ASIC1: variants seen among roughly 807,000 people sequenced by gnomAD.
The protein encoded by ASIC1 is acid-sensing ion channel 1.
ASIC1 carries 21 observed loss-of-function variants against 63.4 expected under a neutral mutation model. That is an observed-to-expected ratio of 0.33 (90% CI 0.23 to 0.48). ASIC1 has a LOEUF of 0.48. Ranked by LOEUF, ASIC1 falls within the 20% of genes least tolerant of loss-of-function variation. ASIC1 has a pLI of 0.99. For synonymous variants in ASIC1, 258 were observed against 278.2 expected (o/e 0.93, Z 0.72); for missense variants, 478 against 695.5 (o/e 0.69, Z 3.52).
intron 3 of ASIC1, among the ~76,000 whole-genome samples, chr12:50,070,471 G>A (rs11169265): frequency 0.033 from 4,949 of 152,060 alleles, 287 homozygotes; most frequent in African/African-American, 0.11. Context: ...GTGTGGTAAT[G>A]TGCAAGTGTG....
rs543984765 is a variant in ASIC1 at position 50,080,131 on chromosome 12, G to A, written c.1205+76G>A. On this transcript the variant is annotated intron_variant, in intron 8 of 11. Transcript: ENST00000447966. The stretch of plus-strand genomic sequence containing the variant: ...TGGATGAGTGGGGTTTGATGGGGGC[G>A]GGGGCTGGCAGGCAGGGGGAACTTG... The A allele has an allele frequency of 2.5e-4, 387 of 1,527,784 alleles. 5 individuals are homozygous for A. The South Asian group carries it at 4.4e-3, about 17-fold the overall frequency. The allele number at this position is 1,527,784 out of a possible 1,614,324, so 94.6% of individuals were successfully genotyped here. A position where few individuals can be genotyped will look rare whatever the true frequency, so the allele number is the denominator to read the frequency against.
In ASIC1 at chr12:50,081,707, C is replaced by G. The variant is rs1314536097; in HGVS notation, c.*58C>G. 2 of 1,483,894 alleles carry G rather than the reference C, an allele frequency of 1.3e-6. No homozygotes were observed. The highest frequency in any genetic ancestry group is 1.4e-5 in the African/African-American group (1 of 71,906). 91.9% of individuals were successfully genotyped at this position (1,483,894 alleles called of 1,614,324 possible). A position where few individuals can be genotyped will look rare whatever the true frequency, so the allele number is the denominator to read the frequency against. The stretch of plus-strand genomic sequence containing the variant: ...GGGGAGGACTAGGAGAGCGAGGGGG[C>G]CCCCAGCTGCCTCCTCACATCTGCC... On this transcript the variant is annotated 3_prime_UTR_variant, in exon 12 of 12. Coordinates refer to ENST00000447966, the MANE Select transcript of ASIC1 (RefSeq NM_001095.4).
rs1250955956 is a variant in ASIC1, at chr12:50,059,133, G to C, written c.362+5G>C. 2 of 1,611,816 alleles carry C rather than the reference G, an allele frequency of 1.2e-6. No individual in the cohort carries two copies. The highest frequency in any genetic ancestry group is 4.5e-5 in the East Asian group (2 of 44,862). On this transcript the variant is annotated splice_donor_5th_base_variant and intron_variant, in intron 2 of 11. Transcript: ENST00000447966. This position sits in a 1 kb window ranked among gnomAD's most constrained non-coding sequence, Gnocchi z 4.6. ...GCTGGCCCTGCTCAACAACAGGTGG[G>C]TGGCTCCCACCCTCCCTCAGCCCTG...
At position 50,081,589 on chromosome 12, in the gene ASIC1, C is replaced by CGCT. The variant is rs1175272033; in HGVS notation, c.1530_1532dup (p.Ala511dup). On this transcript the variant is annotated inframe_insertion, in exon 12 of 12. Coordinates refer to ENST00000447966, the MANE Select transcript of ASIC1 (RefSeq NM_001095.4). ...GGGGCCACCCTGCCGGGATGACATA[C>CGCT]GCTGCCAACATCCTACCTCACCATC... The CGCT allele has an allele frequency of 6.2e-7, 1 of 1,613,982 alleles. No homozygotes were observed. Among genetic ancestry groups the CGCT allele is most frequent in the Non-Finnish European group, 8.5e-7 (1 of 1,179,972 alleles).
intron 3 of ASIC1, among the ~76,000 whole-genome samples, chr12:50,075,836 G>T (rs1950649854): frequency 1.3e-5 from 2 of 152,228 alleles, no homozygotes; most frequent in South Asian, 4.1e-4. Flanking sequence ...ATTCAAGGAG[G>T]CTGTGGGGAA....
At position 50,082,098 on chromosome 12, in the gene ASIC1, G is replaced by T. The variant is rs530343953; in HGVS notation, c.*449G>T. 6 of 168,094 alleles carry T rather than the reference G, an allele frequency of 3.6e-5. No homozygotes were observed. Among genetic ancestry groups the T allele is most frequent in the Non-Finnish European group, 7.7e-5 (6 of 78,086 alleles). 10.4% of individuals were successfully genotyped at this position (168,094 alleles called of 1,614,324 possible). ...GTACCTTAAGGGGGAGGGCTAGTGT[G>T]GGGGAGGGAGGCTTCCCCAGCCTTA... is the stretch of plus-strand genomic sequence containing the variant. On this transcript the variant is annotated 3_prime_UTR_variant, in exon 12 of 12. Coordinates refer to ENST00000447966, the MANE Select transcript of ASIC1 (RefSeq NM_001095.4).
chr12:50,069,259 TA>T (rs1950575562), intron 3 of ASIC1, among the ~76,000 whole-genome samples: 2 of 57,008 alleles, frequency 3.5e-5, no homozygotes, highest in South Asian at 7.9e-4. Context: ...TTTTTTATTT[TA>T]TTTATTTATT....
chr12:50,058,628 A>C, intron 1 of ASIC1, 123 bp from the exon 2 acceptor site: 1 of 1,273,742 alleles, frequency 7.9e-7, no homozygotes, highest in Non-Finnish European at 1.1e-6. Context: ...CAAAGCAGGG[A>C]AGTCTTCTGC....
chr12:50,058,648 G>A, intron 1 of ASIC1, 103 bp from the exon 2 acceptor site: 2 of 1,405,384 alleles, frequency 1.4e-6, no homozygotes, highest in Non-Finnish European at 1.9e-6. Flanking sequence ...CCCGAGGAGT[G>A]GTGACCTCTG....
rs1231980174 is a variant in ASIC1 at position 50,081,082 on chromosome 12, C to T, written c.1298-20C>T. On this transcript the variant is annotated intron_variant, in intron 9 of 11. Transcript: ENST00000447966. Reference sequence around the variant, plus strand: ...ACGATGTCCTGACCCCACTGACCCCCCTGGCGCCTGCCCCCGCAGGTGACA... The same window carrying T: ...ACGATGTCCTGACCCCACTGACCCCTCTGGCGCCTGCCCCCGCAGGTGACA... 1 of 1,567,514 alleles carries T rather than the reference C, an allele frequency of 6.4e-7. No homozygotes were observed. Among genetic ancestry groups the T allele is most frequent in the Non-Finnish European group, 8.6e-7 (1 of 1,156,500 alleles).
Position 50,080,575 on chromosome 12 carries a change from T to C in ASIC1, c.1283T>C (p.Ile428Thr), listed in dbSNP as rs2137850390. ...ATTGAACAGAAGAAGGCCTATGAGA[T>C]TGCAGGGCTCCTGGGTGAGCTGCTG... is the stretch of plus-strand genomic sequence containing the variant. ...ETIEQKKAYE[I>T]AGLLGDIGGQ... is the part of the protein sequence containing the mutation. Residue 428 changes from isoleucine to threonine, a missense_variant, in exon 9 of 12, where the codon ATT becomes ACT. By Grantham distance (89) the Ile-to-Thr change is moderately conservative. Transcript: ENST00000447966. 2 of 1,613,992 alleles carry C rather than the reference T, an allele frequency of 1.2e-6. No individual in the cohort carries two copies. Among genetic ancestry groups the C allele is most frequent in the East Asian group, 4.5e-5 (2 of 44,886 alleles).
Position 50,082,007 on chromosome 12 carries a change from A to T in ASIC1, c.*358A>T. 3.9e-6 allele frequency: 1 copy of T among 257,420 alleles called. No homozygotes were observed. The highest frequency in any genetic ancestry group is 7.5e-6 in the Non-Finnish European group (1 of 133,394). The allele number at this position is 257,420 out of a possible 1,614,324, so 15.9% of individuals were successfully genotyped here. On this transcript the variant is annotated 3_prime_UTR_variant, in exon 12 of 12. Coordinates refer to ENST00000447966, the MANE Select transcript of ASIC1 (RefSeq NM_001095.4). ...ACATTCTGCTGCCACCAGTCACCAAAGGCCCTTCCCAGTGAGGGGTGGAAG... is the reference window on the plus strand; with the variant it reads ...ACATTCTGCTGCCACCAGTCACCAATGGCCCTTCCCAGTGAGGGGTGGAAG...
At position 50,074,266 on chromosome 12, in the gene ASIC1, C is replaced by T. The variant is rs905460330; in HGVS notation, c.559-2947C>T. 2.1e-6 allele frequency: 3 copies of T among 1,452,836 alleles called. No individual in the cohort carries two copies. Among genetic ancestry groups the T allele is most frequent in the Non-Finnish European group, 2.7e-6 (3 of 1,105,124 alleles). The allele number at this position is 1,452,836 out of a possible 1,614,324, so 90.0% of individuals were successfully genotyped here. On this transcript the variant is annotated intron_variant, in intron 3 of 11. Transcript: ENST00000447966. This position sits in a 1 kb window ranked among gnomAD's most constrained non-coding sequence, Gnocchi z 4.2. Reference sequence around the variant, plus strand: ...AGTGGTGAGTGGAGCCCCATGCCTGCCACAGTACCCCAAGAGTGTCTGCCA... The same window carrying T: ...AGTGGTGAGTGGAGCCCCATGCCTGTCACAGTACCCCAAGAGTGTCTGCCA...
At chr12:50,079,818 C>T (rs2137848521) in intron 7 of ASIC1, 84 bp from the exon 8 acceptor site, 2 of 1,470,630 alleles carry the variant, frequency 1.4e-6, no homozygotes, top group Non-Finnish European at 1.8e-6. Flanking sequence ...CAGAGTTTCT[C>T]TGGGCAGAGC....
At chr12:50,075,186 C>T (rs576979614) in intron 3 of ASIC1, among the ~76,000 whole-genome samples, 1 of 152,162 alleles carries the variant, frequency 6.6e-6, no homozygotes, top group African/African-American at 2.4e-5. Flanking sequence ...TCCTCCACCC[C>T]CTCCCTAGCG....
intron 3 of ASIC1, among the ~76,000 whole-genome samples, chr12:50,068,981 G>A (rs981637482): frequency 2.0e-5 from 3 of 152,100 alleles, no homozygotes; most frequent in Admixed American, 6.6e-5. Context: ...TCACTTGAAC[G>A]CCTTCCATGG....
chr12:50,061,371 CTT>C (rs1417058334), intron 3 of ASIC1, among the ~76,000 whole-genome samples: 1 of 152,224 alleles, frequency 6.6e-6, no homozygotes, highest in Non-Finnish European at 1.5e-5. Flanking sequence ...TGACTGCACT[CTT>C]TGCTGAGCCA....
intron 1 of ASIC1, 95 bp from the exon 2 acceptor site, chr12:50,058,656 C>A (rs1189199851): frequency 4.8e-6 from 7 of 1,453,018 alleles, no homozygotes; most frequent in Non-Finnish European, 6.4e-6. Context: ...GTGGTGACCT[C>A]TGGAGATGAG....
chr12:50,078,465 C>T lies in ASIC1; in HGVS notation c.882C>T (p.Thr294=). The change falls in exon 6 of 12, where the codon ACC becomes ACT. Residue 294 remains threonine, a synonymous_variant. Coordinates refer to ENST00000447966, the MANE Select transcript of ASIC1 (RefSeq NM_001095.4). This position sits in a 1 kb window ranked among gnomAD's most constrained non-coding sequence, Gnocchi z 6.0. ...PPPWGTCKAV[T]MDSDLDFFDS... The stretch of plus-strand genomic sequence containing the variant: ...CCTGGGGCACCTGCAAAGCTGTTAC[C>T]ATGGACTCGGATTTGGATTTCTTCG... 1 of 1,614,064 alleles carries T rather than the reference C, an allele frequency of 6.2e-7. No individual in the cohort carries two copies. The highest frequency in any genetic ancestry group is 8.5e-7 in the Non-Finnish European group (1 of 1,179,982).
Sources: gnomAD v4.1 joint callset for allele counts (sites outside exome capture counted in the v4.1 genomes callset) on GRCh38, gnomAD v4.1.1 for gene constraint, Gnocchi (gnomAD v3.1) non-coding constraint, MANE v1.5 for transcripts, NCBI Gene and HGNC (gene_info 2026-07-23, HGNC 2026-07-21) for gene names.